The following PDXDC1 variants were observed in gnomAD, a reference collection of about 807,000 sequenced individuals.
PDXDC1 encodes the protein pyridoxal-dependent decarboxylase domain-containing protein 1.
Under a neutral mutation model 100.1 loss-of-function variants are expected in PDXDC1, and 42 were observed. The observed-to-expected ratio is 0.42, with a 90% CI of 0.33 to 0.54. The LOEUF (loss-of-function observed/expected upper bound fraction) is 0.54. Among genes scored for constraint, PDXDC1 ranks in the 20% least tolerant of loss-of-function variants. PDXDC1 has a pLI of 0.10. For missense variants in PDXDC1, 636 were observed against 979.2 expected, an observed-to-expected ratio of 0.65 and a Z score of 4.68; for synonymous variants, 260 against 371.7, an observed-to-expected ratio of 0.70 and a Z score of 3.46.
chr16:15,009,555 G>A (rs1373658227), intron 7 of PDXDC1, 126 bp from the exon 8 acceptor site: 1 of 1,379,940 alleles, frequency 7.2e-7, no homozygotes, highest in Non-Finnish European at 9.6e-7. Context: ...CAGAAAAATT[G>A]TCAAGAGTAA....
chr16:15,074,828 C>G (rs773182878), intron 16 of PDXDC1: 1 of 1,613,032 alleles, frequency 6.2e-7, no homozygotes. Flanking sequence ...TCAGGACCAG[C>G]CTTTGTTTCA....
At chr16:15,116,610 CTGAG>C (rs1268134741) in intron 16 of PDXDC1, among the ~76,000 whole-genome samples, 3 of 96,772 alleles carry the variant, frequency 3.1e-5, no homozygotes, top group South Asian at 4.5e-4. Context: ...AAGACTTCCC[CTGAG>C]TAAGTTCAGA....
intron 16 of PDXDC1, chr16:15,048,234 G>T (rs2044154977): frequency 3.2e-6 from 2 of 625,972 alleles, no homozygotes; most frequent in Admixed American, 3.0e-5. Flanking sequence ...TGGACAGAGA[G>T]GCTCAAAGAA....
chr16:15,064,171 T>G (rs1471325061), intron 16 of PDXDC1, among the ~76,000 whole-genome samples: 2 of 148,052 alleles, frequency 1.4e-5, no homozygotes, highest in East Asian at 2.0e-4. Context: ...TCGCTTTTTG[T>G]TTTTTTTTTG....
At chr16:15,011,246 CAT>C (rs1324880532) in intron 8 of PDXDC1, among the ~76,000 whole-genome samples, 16 of 152,396 alleles carry the variant, frequency 1.0e-4, no homozygotes, top group Admixed American at 3.3e-4. Context: ...GAAATAGACT[CAT>C]GTGAAGTATA....
At chr16:15,149,000 G>A in the PDXDC1 span, among the ~76,000 whole-genome samples, 2 of 152,222 alleles carry the variant, frequency 1.3e-5, no homozygotes, top group South Asian at 2.1e-4. Context: ...CGTTCTGAAC[G>A]CCCGAGTGCG....
At chr16:14,984,533 T>C (rs1381878702) in intron 1 of PDXDC1, among the ~76,000 whole-genome samples, 1 of 142,856 alleles carries the variant, frequency 7.0e-6, no homozygotes, top group Non-Finnish European at 1.5e-5. Flanking sequence ...ACTCTCACCC[T>C]GTCGCCCAGG....
At chr16:15,081,912 A>G (rs1193423312) in intron 16 of PDXDC1, among the ~76,000 whole-genome samples, 3 of 152,122 alleles carry the variant, frequency 2.0e-5, no homozygotes, top group Admixed American at 6.6e-5. Context: ...TGAAATGACT[A>G]TTCTCCCCTA....
At chr16:15,144,192 C>T (rs545784650), downstream of PDXDC1, among the ~76,000 whole-genome samples, 13 of 152,264 alleles carry the variant, frequency 8.5e-5, no homozygotes, top group African/African-American at 1.9e-4. Context: ...GCAGTGTGGG[C>T]GCTGGAGAGG....
chr16:14,981,983 C>T (rs1295759279), intron 1 of PDXDC1, among the ~76,000 whole-genome samples: 7 of 152,256 alleles, frequency 4.6e-5, no homozygotes, highest in African/African-American at 9.6e-5. Context: ...CGCCCACCAC[C>T]GCGCCCAGCT....
chr16:15,037,884 A>C lies in PDXDC1; in HGVS notation c.*1609A>C, dbSNP rs917975952. 1 of 562,384 alleles carries C rather than the reference A, an allele frequency of 1.8e-6. No individual in the cohort carries two copies. The highest frequency in any genetic ancestry group is 3.1e-6 in the Non-Finnish European group (1 of 317,766). 34.8% of individuals were successfully genotyped at this position (562,384 alleles called of 1,614,324 possible). A position where few individuals can be genotyped will look rare whatever the true frequency, so the allele number is the denominator to read the frequency against. The stretch of plus-strand genomic sequence containing the variant: ...TGCCAAAATAAGGTTTTATTTTGAA[A>C]GTCATTTGATGAAAGTCATTTGAAA... On this transcript the variant is annotated 3_prime_UTR_variant, in exon 23 of 23. Transcript: ENST00000396410.
chr16:15,048,247 A>C, intron 16 of PDXDC1: 1 of 614,106 alleles, frequency 1.6e-6, no homozygotes, highest in Non-Finnish European at 2.9e-6. Context: ...TCAAAGAAAA[A>C]GGCAGCAGCC....
At chr16:15,079,089 C>T (rs922183460) in intron 16 of PDXDC1, among the ~76,000 whole-genome samples, 1 of 152,096 alleles carries the variant, frequency 6.6e-6, no homozygotes, top group Non-Finnish European at 1.5e-5. Context: ...GGATTACATG[C>T]GTGAGCCACC....
intron 16 of PDXDC1, among the ~76,000 whole-genome samples, chr16:15,096,875 C>T (rs1338182122): frequency 6.6e-6 from 1 of 152,108 alleles, no homozygotes; most frequent in Non-Finnish European, 1.5e-5. Context: ...CACTTTGTTG[C>T]CCAGGCTGGT....
chr16:15,064,932 C>T (rs1303775269), intron 16 of PDXDC1, among the ~76,000 whole-genome samples: 1 of 152,108 alleles, frequency 6.6e-6, no homozygotes, highest in Non-Finnish European at 1.5e-5. Context: ...TTTGGGAGGC[C>T]GAGGCGGGCG....
At position 15,133,964 on chromosome 16, in the gene PDXDC1, G is replaced by A. The variant is rs1455295260; in HGVS notation, c.1400-4915G>A. ...TCAGCGTGAAGGTGTATCCCTCGCCGTCCCGCAGCACGCCCCGCCGCAGCA... is the reference window on the plus strand; with the variant it reads ...TCAGCGTGAAGGTGTATCCCTCGCCATCCCGCAGCACGCCCCGCCGCAGCA... On this transcript the variant is annotated intron_variant, in intron 16 of 16. Transcript: ENST00000535621. 2,248 of 1,348,336 alleles carry A rather than the reference G, an allele frequency of 1.7e-3. 6 individuals carry two copies. Among genetic ancestry groups the A allele is most frequent in the Non-Finnish European group, 2.1e-3 (2,052 of 972,718 alleles). The allele number at this position is 1,348,336 out of a possible 1,614,324, so 83.5% of individuals were successfully genotyped here.
At chr16:15,057,853 T>C (rs1298607064) in intron 16 of PDXDC1, among the ~76,000 whole-genome samples, 1 of 152,202 alleles carries the variant, frequency 6.6e-6, no homozygotes, top group Non-Finnish European at 1.5e-5. Flanking sequence ...TAACTGGTTT[T>C]TCACTTTTGG....
chr16:14,991,022 G>A (rs1458988532), intron 1 of PDXDC1, among the ~76,000 whole-genome samples: 8 of 152,286 alleles, frequency 5.3e-5, no homozygotes, highest in Admixed American at 3.9e-4. Context: ...GATTATAGTC[G>A]TGAGCCACTG....
At chr16:15,033,809 C>T (rs932067029) in intron 19 of PDXDC1, among the ~76,000 whole-genome samples, 4 of 152,194 alleles carry the variant, frequency 2.6e-5, no homozygotes, top group Admixed American at 2.6e-4. Context: ...GCACTTCCCA[C>T]CAGGAATAGA....
Sources: gnomAD v4.1 joint callset for allele counts (sites outside exome capture counted in the v4.1 genomes callset) on GRCh38, gnomAD v4.1.1 for gene constraint, MANE v1.5 for transcripts, NCBI Gene and HGNC (gene_info 2026-07-23, HGNC 2026-07-21) for gene names.